Variants in DHX8 observed in about 807,000 individuals in gnomAD.
DHX8 encodes the protein ATP-dependent RNA helicase DHX8.
A neutral mutation model predicts 140.7 loss-of-function variants in DHX8; 67 were observed. The observed-to-expected ratio is 0.48, with a 90% confidence interval of 0.39 to 0.58. The LOEUF (loss-of-function observed/expected upper bound fraction) is 0.58. Ranked by LOEUF, DHX8 falls within the 20% of genes least tolerant of loss-of-function variation. DHX8 has a pLI of 0.00. For synonymous variants in DHX8, 533 were observed against 553.2 expected (o/e 0.96, Z 0.51); for missense variants, 887 against 1,550.7 (o/e 0.57, Z 7.19).
chr17:43,503,471 T>C (rs376087776), intron 11 of DHX8, among the ~76,000 whole-genome samples: 13 of 150,792 alleles, frequency 8.6e-5, no homozygotes, highest in African/African-American at 3.2e-4. Flanking sequence ...CACTCCAGCC[T>C]GGACAACAAT....
chr17:43,492,177 C>T lies in DHX8; in HGVS notation c.394-6C>T. On this transcript the variant is annotated splice_region_variant and splice_polypyrimidine_tract_variant and intron_variant, in intron 4 of 22. Coordinates refer to ENST00000262415, the MANE Select transcript of DHX8 (RefSeq NM_004941.3). ...TTCCTAACTTTGCCGGCCTCTACCT[C>T]TGCAGACCATGTTGGATGAAGATGA... 7 of 1,613,086 alleles carry T rather than the reference C, an allele frequency of 4.3e-6. No homozygotes were observed. The highest frequency in any genetic ancestry group is 5.9e-6 in the Non-Finnish European group (7 of 1,179,094).
intron 3 of DHX8, among the ~76,000 whole-genome samples, chr17:43,537,941 A>G (rs777770226): frequency 2.0e-5 from 3 of 152,166 alleles, no homozygotes; most frequent in Non-Finnish European, 4.4e-5. Flanking sequence ...ATCCTGGCTA[A>G]CACAGTGAAA....
chr17:43,522,164 G>C lies in DHX8; in HGVS notation c.3381G>C (p.Leu1127=). Residue 1127 remains leucine, a synonymous_variant, in exon 22 of 23, where the codon CTG becomes CTC. Coordinates refer to ENST00000262415, the MANE Select transcript of DHX8 (RefSeq NM_004941.3). ...KKDPQEGYRT[L]IDQQVVYIHP... is the part of the protein sequence containing the mutation. ...ACCCGCAGGAGGGTTACCGGACACTGATCGACCAGCAGGTGGTCTATATCC... is the reference window on the plus strand; with the variant it reads ...ACCCGCAGGAGGGTTACCGGACACTCATCGACCAGCAGGTGGTCTATATCC... The C allele has an allele frequency of 6.2e-7, 1 of 1,614,106 alleles. No homozygotes were observed. Among genetic ancestry groups the C allele is most frequent in the South Asian group, 1.1e-5 (1 of 91,080 alleles).
At chr17:43,541,474 A>G (rs1018323779) in intron 3 of DHX8, among the ~76,000 whole-genome samples, 2 of 152,076 alleles carry the variant, frequency 1.3e-5, no homozygotes, top group African/African-American at 4.8e-5. Context: ...GAAAAGTGCC[A>G]AGACAGCATA....
chr17:43,531,150 A>AT (rs1418578071), downstream of DHX8, among the ~76,000 whole-genome samples: 5 of 152,172 alleles, frequency 3.3e-5, no homozygotes, highest in Non-Finnish European at 7.3e-5. Context: ...GTTGTGGTTC[A>AT]TCCCCCTGCC....
downstream of DHX8, chr17:43,529,872 C>A (rs765847968): frequency 6.2e-7 from 1 of 1,614,118 alleles, no homozygotes; most frequent in African/African-American, 1.3e-5. Context: ...CATCAACAGT[C>A]ACTTCTCTGA....
In DHX8 at chr17:43,524,161, G is replaced by A; in HGVS notation, c.*314G>A. On this transcript the variant is annotated 3_prime_UTR_variant, in exon 23 of 23. Transcript: ENST00000262415. The stretch of plus-strand genomic sequence containing the variant: ...AGCTCCAGGATGGGAAGGTGGAGTG[G>A]GTGAGCATCTTGTGCAGGGACATGG... 2 of 1,218,830 alleles carry A rather than the reference G, an allele frequency of 1.6e-6. No individual in the cohort carries two copies. The highest frequency in any genetic ancestry group is 2.1e-6 in the Non-Finnish European group (2 of 966,472). 75.5% of individuals were successfully genotyped at this position (1,218,830 alleles called of 1,614,324 possible).
chr17:43,529,614 C>A, downstream of DHX8: 1 of 1,614,132 alleles, frequency 6.2e-7, no homozygotes. Context: ...AGCTGCAGGG[C>A]ACCCCGGCGC....
chr17:43,497,160 GTATC>G lies in DHX8; in HGVS notation c.1300+897_1300+900del, dbSNP rs563150747. Among the ~76,000 whole-genome samples, 8 of 151,918 alleles carry G rather than the reference GTATC, an allele frequency of 5.3e-5. No homozygotes were observed. The East Asian group carries it at 1.5e-3, about 29-fold the overall frequency. ...GCTTTTCTTTAGTTTTACCATCTAC[GTATC>G]TATCCCTAAACATTATATTGTGTTG... is the stretch of plus-strand genomic sequence containing the variant. On this transcript the variant is annotated intron_variant, in intron 9 of 22. Coordinates refer to ENST00000262415, the MANE Select transcript of DHX8 (RefSeq NM_004941.3).
intron 2 of DHX8, chr17:43,536,368 G>T: frequency 6.9e-7 from 1 of 1,443,132 alleles, no homozygotes; most frequent in Non-Finnish European, 9.8e-7. Context: ...TCTATCCTAT[G>T]ACTCACTTCC....
At chr17:43,516,756 A>G (rs980045226) in intron 17 of DHX8, among the ~76,000 whole-genome samples, 5 of 152,192 alleles carry the variant, frequency 3.3e-5, no homozygotes, top group African/African-American at 7.2e-5. Flanking sequence ...GCCTGCAAAC[A>G]TAATTTTTAA....
At chr17:43,533,307 G>A (rs756738915) in intron 2 of DHX8, 4 of 1,613,906 alleles carry the variant, frequency 2.5e-6, no homozygotes, top group Non-Finnish European at 3.4e-6. Flanking sequence ...GGCACCAGGG[G>A]CAGGGGACTT....
At chr17:43,543,075 C>T (rs1490593163) in intron 3 of DHX8, among the ~76,000 whole-genome samples, 1 of 151,992 alleles carries the variant, frequency 6.6e-6, no homozygotes, top group African/African-American at 2.4e-5. Context: ...TGAGAAGGAG[C>T]GATCGGCCTC....
rs531306659 is a variant in DHX8, at chr17:43,486,192, A to G, written c.148+2007A>G. ...GACGAAAAGAGCAAGACTTTATTTCAAAAAAAAAAAAAAAAAGTACTAATA... is the reference window on the plus strand; with the variant it reads ...GACGAAAAGAGCAAGACTTTATTTCGAAAAAAAAAAAAAAAAGTACTAATA... On this transcript the variant is annotated intron_variant, in intron 1 of 22. Coordinates refer to ENST00000262415, the MANE Select transcript of DHX8 (RefSeq NM_004941.3). Among the ~76,000 whole-genome samples the G allele has an allele frequency of 3.8e-3, 520 of 136,250 alleles. 3 individuals carry two copies. The highest frequency in any genetic ancestry group is 0.013 in the African/African-American group (501 of 37,510). The allele number at this position is 136,250 out of a possible 152,430, so 89.4% of individuals were successfully genotyped here. A position where few individuals can be genotyped will look rare whatever the true frequency, so the allele number is the denominator to read the frequency against.
intron 11 of DHX8, among the ~76,000 whole-genome samples, chr17:43,500,679 G>C (rs1969137442): frequency 6.6e-6 from 1 of 152,038 alleles, no homozygotes; most frequent in Admixed American, 6.5e-5. Flanking sequence ...TTGGGAGGCT[G>C]AGGCGGGCGG....
chr17:43,513,534 T>C, intron 17 of DHX8, 32 bp downstream of exon 17: 1 of 1,606,222 alleles, frequency 6.2e-7, no homozygotes, highest in South Asian at 1.1e-5. Context: ...GTTTTCCTGA[T>C]AATCCTGATT....
intron 8 of DHX8, 57 bp from the exon 9 acceptor site, chr17:43,496,124 A>C: frequency 7.7e-7 from 1 of 1,300,998 alleles, no homozygotes. Flanking sequence ...ACCAAAAAAC[A>C]AAAAAAAAGT....
chr17:43,491,901 A>G (rs760438807), intron 4 of DHX8, among the ~76,000 whole-genome samples: 113 of 152,336 alleles, frequency 7.4e-4, no homozygotes, highest in Non-Finnish European at 1.3e-3. Context: ...CCTGTTTTCT[A>G]TTAATATAAT....
chr17:43,520,716 A>G (rs778929546), intron 19 of DHX8, 35 bp from the exon 20 acceptor site: 21 of 1,613,454 alleles, frequency 1.3e-5, no homozygotes, highest in African/African-American at 2.7e-5. Flanking sequence ...TGTCTTCCAC[A>G]GGGAAGCAGT....
Sources: gnomAD v4.1 joint callset for allele counts (sites outside exome capture counted in the v4.1 genomes callset) on GRCh38, gnomAD v4.1.1 for gene constraint, MANE v1.5 for transcripts, NCBI Gene and HGNC (gene_info 2026-07-23, HGNC 2026-07-21) for gene names.